Variants in KRABD2 observed in about 807,000 individuals in gnomAD.
KRABD2 encodes KRAB domain containing 2, also known as KRAB domain-containing protein 2.
At chr17:8,363,828 TA>T in the KRABD2 span, among the ~76,000 whole-genome samples, 2,607 of 63,214 alleles carry the variant, frequency 0.041, 175 homozygotes, top group African/African-American at 0.15. Flanking sequence ...ATATATATCA[TA>T]CATATATATA....
chr17:8,369,729 C>T, the KRABD2 span: 17 of 1,613,998 alleles, frequency 1.1e-5, no homozygotes, highest in African/African-American at 8.0e-5. Flanking sequence ...TCTTAATGGC[C>T]GTAAAATAAT....
chr17:8,373,534 C>G, the KRABD2 span: 1 of 193,248 alleles, frequency 5.2e-6, no homozygotes, highest in African/African-American at 2.4e-5. Context: ...CAACCTCCAC[C>G]TCCCAGCTGC....
the KRABD2 span, chr17:8,369,752 G>A: frequency 6.2e-7 from 1 of 1,614,228 alleles, no homozygotes; most frequent in Non-Finnish European, 8.5e-7. Flanking sequence ...ACTTGGTTGA[G>A]TGATCCTGGT....
chr17:8,371,237 G>T, the KRABD2 span: 1 of 1,275,840 alleles, frequency 7.8e-7, no homozygotes, highest in Non-Finnish European at 1.1e-6. Context: ...AAGCTGTGGG[G>T]ATATTTTTAA....
At chr17:8,363,961 C>T in the KRABD2 span, among the ~76,000 whole-genome samples, 14 of 150,738 alleles carry the variant, frequency 9.3e-5, no homozygotes, top group Non-Finnish European at 1.8e-4. Flanking sequence ...CTCTGCCTCC[C>T]GAGTTCAAGT....
the KRABD2 span, among the ~76,000 whole-genome samples, chr17:8,364,070 G>C: frequency 6.6e-6 from 1 of 150,972 alleles, no homozygotes; most frequent in Non-Finnish European, 1.5e-5. This position sits in a 1 kb window ranked among gnomAD's most constrained non-coding sequence, Gnocchi z 4.4. Flanking sequence ...GGTTTTGCCA[G>C]GTTGGCCAGG....
At chr17:8,375,092 A>G in the KRABD2 span, among the ~76,000 whole-genome samples, 3 of 151,068 alleles carry the variant, frequency 2.0e-5, no homozygotes, top group Admixed American at 6.6e-5. Context: ...GCTCACTGCC[A>G]GCTCCGCCTC....
the KRABD2 span, chr17:8,359,592 G>T: frequency 2.2e-6 from 1 of 456,072 alleles, no homozygotes; most frequent in Non-Finnish European, 4.4e-6. Flanking sequence ...AGAGAAGGGG[G>T]TAGGTAAGGA....
chr17:8,370,347 C>T, the KRABD2 span: 7 of 1,600,138 alleles, frequency 4.4e-6, no homozygotes, highest in Non-Finnish European at 6.0e-6. Context: ...TGGATCATTT[C>T]CAGCTCTCTG....
the KRABD2 span, among the ~76,000 whole-genome samples, chr17:8,360,056 A>C: frequency 6.6e-6 from 1 of 152,144 alleles, no homozygotes; most frequent in Admixed American, 6.6e-5. Flanking sequence ...CTACGTACTC[A>C]CCCTGTAATG....
At chr17:8,367,476 G>A in the KRABD2 span, among the ~76,000 whole-genome samples, 1 of 151,082 alleles carries the variant, frequency 6.6e-6, no homozygotes, top group Non-Finnish European at 1.5e-5. Context: ...TCCAGCCTGG[G>A]CGACAGAGTG....
chr17:8,374,256 G>C, the KRABD2 span, among the ~76,000 whole-genome samples: 1 of 152,246 alleles, frequency 6.6e-6, no homozygotes, highest in South Asian at 2.1e-4. Context: ...GTAGACATAG[G>C]AGACTCCATT....
the KRABD2 span, chr17:8,370,274 A>G: frequency 6.2e-7 from 1 of 1,613,074 alleles, no homozygotes; most frequent in African/African-American, 1.3e-5. Context: ...TTACACTCAT[A>G]AGAAACTTTT....
At chr17:8,365,180 C>A in the KRABD2 span, among the ~76,000 whole-genome samples, 1 of 152,208 alleles carries the variant, frequency 6.6e-6, no homozygotes, top group South Asian at 2.1e-4. Flanking sequence ...CTAACTCTTT[C>A]CCACTGCCAA....
chr17:8,371,542 A>G, the KRABD2 span: 4 of 1,583,104 alleles, frequency 2.5e-6, no homozygotes, highest in Non-Finnish European at 3.4e-6. Flanking sequence ...CATGCAGCAT[A>G]AAGGACTCTG....
At chr17:8,359,769 G>A in the KRABD2 span, 1 of 456,062 alleles carries the variant, frequency 2.2e-6, no homozygotes, top group Admixed American at 2.3e-5. Flanking sequence ...AGGACTGGGA[G>A]CCAGCTGTGT....
chr17:8,372,061 G>A, the KRABD2 span: 1 of 985,492 alleles, frequency 1.0e-6, no homozygotes, highest in African/African-American at 1.7e-5. This position sits in a 1 kb window ranked among gnomAD's most constrained non-coding sequence, Gnocchi z 4.1. Context: ...CAGATGCAGA[G>A]CGGAGGGGCA....
chr17:8,368,372 T>A, the KRABD2 span, among the ~76,000 whole-genome samples: 1 of 152,144 alleles, frequency 6.6e-6, no homozygotes, highest in African/African-American at 2.4e-5. Flanking sequence ...GGTCTGTGTA[T>A]TTATTCTTAG....
the KRABD2 span, chr17:8,370,251 T>C: frequency 2.5e-6 from 4 of 1,613,608 alleles, no homozygotes; most frequent in Non-Finnish European, 3.4e-6. Flanking sequence ...ACTTTTGCTT[T>C]CTACTAACTT....
Sources: gnomAD v4.1 joint callset for allele counts (sites outside exome capture counted in the v4.1 genomes callset) on GRCh38, gnomAD v4.1.1 for gene constraint, Gnocchi (gnomAD v3.1) non-coding constraint, MANE v1.5 for transcripts, NCBI Gene and HGNC (gene_info 2026-07-23, HGNC 2026-07-21) for gene names.